CLEC2L: variants seen among roughly 807,000 people sequenced by gnomAD.
The protein encoded by CLEC2L is C-type lectin domain family 2, member L.
A neutral mutation model predicts 23.6 loss-of-function variants in CLEC2L; 14 were observed. The ratio of observed to expected loss-of-function variants is 0.59; its 90% CI spans 0.39 to 0.93. The LOEUF is 0.93. CLEC2L is among the 40% of genes least tolerant of loss of function. The probability of loss-of-function intolerance (pLI) is 0.00; values close to 1 mark genes in which losing one functional copy is unlikely to be tolerated. For missense variants in CLEC2L, 264 were observed against 282.4 expected, an observed-to-expected ratio of 0.93 and a Z score of 0.47; for synonymous variants, 114 against 121.3, an observed-to-expected ratio of 0.94 and a Z score of 0.40.
At chr7:139,542,703 G>T (rs138086375) in intron 4 of CLEC2L, among the ~76,000 whole-genome samples, 1 of 152,356 alleles carries the variant, frequency 6.6e-6, no homozygotes, top group African/African-American at 2.4e-5. Flanking sequence ...CTGCTGAGGT[G>T]GTGGCGTGTG....
intron 1 of CLEC2L, among the ~76,000 whole-genome samples, chr7:139,529,765 C>T (rs1346742780): frequency 6.6e-6 from 1 of 152,108 alleles, no homozygotes; most frequent in African/African-American, 2.4e-5. Context: ...TTCAGAAGCC[C>T]ACTAATACAA....
intron 1 of CLEC2L, 138 bp downstream of exon 1, chr7:139,524,255 G>A (rs2116538394): frequency 2.3e-6 from 2 of 855,784 alleles, no homozygotes; most frequent in Non-Finnish European, 2.8e-6. Flanking sequence ...ACGCGGCGGA[G>A]TCATTCATTT....
rs184864199 is a variant in CLEC2L at position 139,534,634 on chromosome 7, A to G, written c.191-1640A>G. ...CGGTGTGCTGTAGCGGAAGTTTTGT[A>G]TCATAGTAATCCTGTTTCCACTTTG... is the stretch of plus-strand genomic sequence containing the variant. On this transcript the variant is annotated intron_variant, in intron 1 of 4. Coordinates refer to ENST00000422142, the MANE Select transcript of CLEC2L (RefSeq NM_001080511.4). The G allele has an allele frequency of 1.4e-3, 895 of 642,478 alleles. 2 individuals are homozygous for G. The highest frequency in any genetic ancestry group is 2.2e-3 in the Non-Finnish European group (781 of 357,686). The allele number at this position is 642,478 out of a possible 1,614,324, so 39.8% of individuals were successfully genotyped here.
intron 1 of CLEC2L, among the ~76,000 whole-genome samples, chr7:139,526,917 T>A (rs1797514626): frequency 6.6e-6 from 1 of 152,216 alleles, no homozygotes; most frequent in South Asian, 2.1e-4. Context: ...AATGAAACAC[T>A]GTCAATGGGA....
In CLEC2L at chr7:139,544,236, C is replaced by A; in HGVS notation, c.539C>A (p.Thr180Asn). Residue 180 changes from threonine (T) to asparagine (N), a missense_variant, in exon 5 of 5, where the codon ACC (threonine) becomes AAC (asparagine). Physicochemically the swap from Thr to Asn is moderately conservative, Grantham distance 65. Coordinates refer to ENST00000422142, the MANE Select transcript of CLEC2L (RefSeq NM_001080511.4). The stretch of plus-strand genomic sequence containing the variant: ...GTCTTCTCTCCTGGCCACAGGTTCA[C>A]CATCGCAGGTCCAGGGGAGTGTGTC... The part of the protein sequence containing the change: ...NGDPFDPDTF[T>N]IAGPGECVFV... The A allele has an allele frequency of 6.2e-7, 1 of 1,611,946 alleles. No homozygotes were observed. Among genetic ancestry groups the A allele is most frequent in the Non-Finnish European group, 8.5e-7 (1 of 1,178,610 alleles).
intron 2 of CLEC2L, among the ~76,000 whole-genome samples, chr7:139,536,644 C>A (rs1477510144): frequency 6.6e-6 from 1 of 152,014 alleles, no homozygotes; most frequent in Non-Finnish European, 1.5e-5. Flanking sequence ...GAAGACAGTG[C>A]TTCTTGGAGG....
Position 139,540,309 on chromosome 7 carries a change from T to C in CLEC2L, c.266-12T>C. On this transcript the variant is annotated splice_polypyrimidine_tract_variant and intron_variant, in intron 2 of 4. Transcript: ENST00000422142. The surrounding 1 kb of genome is among the most constrained non-coding windows in gnomAD (Gnocchi z 5.8). ...GGGGGCGGGCAGGGCCGAGCTGGTC[T>C]CTTCCCTGCAGCTTCCAAGGGCTGC... 6.2e-7 allele frequency: 1 copy of C among 1,600,172 alleles called. No homozygotes were observed. The highest frequency in any genetic ancestry group is 8.5e-7 in the Non-Finnish European group (1 of 1,173,586).
chr7:139,544,225 C>A lies in CLEC2L; in HGVS notation c.534-6C>A. On this transcript the variant is annotated splice_polypyrimidine_tract_variant and splice_region_variant and intron_variant, in intron 4 of 4. Transcript: ENST00000422142. ...ATAAACGCCTGGTCTTCTCTCCTGG[C>A]CACAGGTTCACCATCGCAGGTCCAG... 1 of 1,607,692 alleles carries A rather than the reference C, an allele frequency of 6.2e-7. No homozygotes were observed. Among genetic ancestry groups the A allele is most frequent in the South Asian group, 1.1e-5 (1 of 90,362 alleles).
chr7:139,536,413 A>G, intron 2 of CLEC2L, 65 bp downstream of exon 2: 4 of 1,376,426 alleles, frequency 2.9e-6, no homozygotes, highest in Non-Finnish European at 4.0e-6. Context: ...AGCACGTCTA[A>G]TTAGTTAAAG....
Position 139,523,729 on chromosome 7 carries a change from G to C in CLEC2L, c.-199G>C. ...GCTGCGGCTCGGCGGGGCAGGCGCT[G>C]AGCGCACCGCGGCGGCACCCGGCGC... On this transcript the variant is annotated 5_prime_UTR_variant, in exon 1 of 5. Coordinates refer to ENST00000422142, the MANE Select transcript of CLEC2L (RefSeq NM_001080511.4). This position sits in a 1 kb window ranked among gnomAD's most constrained non-coding sequence, Gnocchi z 4.1. 4.9e-6 allele frequency: 1 copy of C among 202,214 alleles called. No homozygotes were observed. Among genetic ancestry groups the C allele is most frequent in the Non-Finnish European group, 8.7e-6 (1 of 114,932 alleles). 12.5% of individuals were successfully genotyped at this position (202,214 alleles called of 1,614,324 possible). A position where few individuals can be genotyped will look rare whatever the true frequency, so the allele number is the denominator to read the frequency against.
In CLEC2L at chr7:139,540,245, G is replaced by T; in HGVS notation, c.266-76G>T. On this transcript the variant is annotated intron_variant, in intron 2 of 4. Transcript: ENST00000422142. This position sits in a 1 kb window ranked among gnomAD's most constrained non-coding sequence, Gnocchi z 5.8. ...CTGCAGGACGCCAAAGCTGAGGCAG[G>T]GGAGGGAGCCACAGAAAGCAGAGTG... 1.4e-6 allele frequency: 2 copies of T among 1,466,704 alleles called. No homozygotes were observed. 90.9% of individuals were successfully genotyped at this position (1,466,704 alleles called of 1,614,324 possible).
At chr7:139,528,137 G>A (rs75863358) in intron 1 of CLEC2L, among the ~76,000 whole-genome samples, 2,048 of 152,296 alleles carry the variant, frequency 0.013, 44 homozygotes, top group African/African-American at 0.047. Flanking sequence ...ACATTTGTTA[G>A]AAGTTGAATT....
At chr7:139,533,450 A>C (rs1797608212) in intron 1 of CLEC2L, among the ~76,000 whole-genome samples, 1 of 152,118 alleles carries the variant, frequency 6.6e-6, no homozygotes. Flanking sequence ...CCGCCTCCTG[A>C]GTTCAATCGA....
intron 1 of CLEC2L, among the ~76,000 whole-genome samples, chr7:139,532,588 G>A (rs538491926): frequency 4.7e-4 from 71 of 152,312 alleles, no homozygotes; most frequent in African/African-American, 1.6e-3. Context: ...AAATTTATAG[G>A]TTGAATCACT....
chr7:139,528,124 T>C (rs1030130907), intron 1 of CLEC2L, among the ~76,000 whole-genome samples: 15 of 152,182 alleles, frequency 9.9e-5, no homozygotes, highest in African/African-American at 3.6e-4. Context: ...AGTAATGAGT[T>C]AGACATTTGT....
chr7:139,541,446 A>G (rs1466840013), intron 3 of CLEC2L, among the ~76,000 whole-genome samples: 6 of 152,248 alleles, frequency 3.9e-5, no homozygotes, highest in Admixed American at 3.9e-4. Flanking sequence ...CAGTCTTAGC[A>G]ACAGAAACGT....
At position 139,523,927 on chromosome 7, in the gene CLEC2L, C is replaced by T. The variant is rs1797466411; in HGVS notation, c.-1C>T. ...GGGCGCGGCGCGGCGGAGCGCCCCG[C>T]ATGGAGCCGGCCCGGGAGCCCCCCT... On this transcript the variant is annotated 5_prime_UTR_variant, in exon 1 of 5. Coordinates refer to ENST00000422142, the MANE Select transcript of CLEC2L (RefSeq NM_001080511.4). This position sits in a 1 kb window ranked among gnomAD's most constrained non-coding sequence, Gnocchi z 4.1. 1.0e-6 allele frequency: 1 copy of T among 976,642 alleles called. No individual in the cohort carries two copies. Among genetic ancestry groups the T allele is most frequent in the Non-Finnish European group, 1.2e-6 (1 of 825,544 alleles). The allele number at this position is 976,642 out of a possible 1,614,324, so 60.5% of individuals were successfully genotyped here.
chr7:139,529,482 G>T (rs1198580362), intron 1 of CLEC2L, among the ~76,000 whole-genome samples: 1 of 152,192 alleles, frequency 6.6e-6, no homozygotes, highest in Admixed American at 6.5e-5. Flanking sequence ...GAAGGGAGAA[G>T]AAGGATGCAC....
chr7:139,531,257 CA>C (rs986733885), intron 1 of CLEC2L, among the ~76,000 whole-genome samples: 2 of 152,114 alleles, frequency 1.3e-5, no homozygotes, highest in Non-Finnish European at 2.9e-5. Context: ...CCCACCCCTC[CA>C]AAAAACCTGT....
Sources: gnomAD v4.1 joint callset for allele counts (sites outside exome capture counted in the v4.1 genomes callset) on GRCh38, gnomAD v4.1.1 for gene constraint, Gnocchi (gnomAD v3.1) non-coding constraint, MANE v1.5 for transcripts, NCBI Gene and HGNC (gene_info 2026-07-23, HGNC 2026-07-21) for gene names.